Variants in ORC5 observed in about 807,000 individuals in gnomAD.
ORC5 encodes origin recognition complex subunit 5.
Under a neutral mutation model 58.8 loss-of-function variants are expected in ORC5, and 39 were observed. That is an observed-to-expected ratio of 0.66 (90% CI 0.51 to 0.87). The LOEUF (loss-of-function observed/expected upper bound fraction) is 0.87, where lower values mean the gene tolerates loss of function less well. Ranked by LOEUF, ORC5 falls within the 40% of genes least tolerant of loss-of-function variation. The pLI is 0.00. For missense variants in ORC5, 493 were observed against 506.3 expected (o/e 0.97, Z 0.25); for synonymous variants, 218 against 177.6 (o/e 1.23, Z -1.81).
At chr7:104,182,739 G>A (rs570791894) in intron 8 of ORC5, among the ~76,000 whole-genome samples, 460 of 152,232 alleles carry the variant, frequency 3.0e-3, no homozygotes, top group Non-Finnish European at 4.7e-3. Context: ...CCCTTTAAGC[G>A]GAGGTTCACA....
At chr7:104,189,804 T>C (rs1380413846) in intron 5 of ORC5, among the ~76,000 whole-genome samples, 1 of 152,186 alleles carries the variant, frequency 6.6e-6, no homozygotes, top group Non-Finnish European at 1.5e-5. Flanking sequence ...GTACAGTGTT[T>C]CCTTGAGTTC....
At chr7:104,193,281 T>C (rs1270203379) in intron 5 of ORC5, among the ~76,000 whole-genome samples, 1 of 152,112 alleles carries the variant, frequency 6.6e-6, no homozygotes, top group East Asian at 1.9e-4. Context: ...ATAATAAATA[T>C]AGAAGTAAAA....
At chr7:104,152,304 C>T (rs534783381) in intron 12 of ORC5, among the ~76,000 whole-genome samples, 2 of 152,174 alleles carry the variant, frequency 1.3e-5, no homozygotes, top group South Asian at 4.1e-4. Context: ...CGCACCACCA[C>T]ACGCAGCTAA....
chr7:104,184,024 C>T lies in ORC5; in HGVS notation c.743G>A (p.Arg248His), dbSNP rs1398393155. 8.7e-6 allele frequency: 14 copies of T among 1,612,600 alleles called. No homozygotes were observed. Among genetic ancestry groups the T allele is most frequent in the Admixed American group, 3.3e-5 (2 of 59,912 alleles). Residue 248 changes from arginine to histidine, a missense_variant, in exon 8 of 14, where the codon CGT becomes CAT. By Grantham distance (29) the Arg-to-His change is conservative. Coordinates refer to ENST00000297431, the MANE Select transcript of ORC5 (RefSeq NM_002553.4). The part of the protein sequence containing the change: ...EPVVKGEASE[R>H]DTRKLWRNIE... Reference sequence around the variant, plus strand: ...ATTTCTCCACAGTTTGCGAGTATCACGTTCACTTGCTACCCCAAAGGGAAG... The same window carrying T: ...ATTTCTCCACAGTTTGCGAGTATCATGTTCACTTGCTACCCCAAAGGGAAG...
At chr7:104,145,332 G>A (rs1465327685) in intron 12 of ORC5, among the ~76,000 whole-genome samples, 1 of 152,040 alleles carries the variant, frequency 6.6e-6, no homozygotes, top group Non-Finnish European at 1.5e-5. Context: ...CAAATGCAGG[G>A]GGAGATTTAC....
At chr7:104,132,019 T>C (rs1230935639) in intron 13 of ORC5, among the ~76,000 whole-genome samples, 1 of 152,210 alleles carries the variant, frequency 6.6e-6, no homozygotes, top group Non-Finnish European at 1.5e-5. Flanking sequence ...GTTTTGTTTA[T>C]AATGGGCAAC....
Position 104,133,402 on chromosome 7 carries a change from G to C in ORC5, c.1262+3379C>G, listed in dbSNP as rs194848. Among the ~76,000 whole-genome samples the C allele has an allele frequency of 0.023, 3,448 of 152,148 alleles. 146 individuals are homozygous for C. Among genetic ancestry groups the C allele is most frequent in the African/African-American group, 0.078 (3,232 of 41,468 alleles). On this transcript the variant is annotated intron_variant, in intron 13 of 13. Transcript: ENST00000297431. The surrounding 1 kb of genome is among the most constrained non-coding windows in gnomAD (Gnocchi z 4.7). ...TATTAGGAGTGGGGGAGAGAGAGAT[G>C]TCAAGAAGGACTCAAATTTCAGGCC...
chr7:104,155,827 G>A (rs1472852681), intron 12 of ORC5, among the ~76,000 whole-genome samples: 1 of 151,334 alleles, frequency 6.6e-6, no homozygotes, highest in African/African-American at 2.4e-5. Context: ...AGTAAGAGGA[G>A]ACATAGAACT....
Position 104,200,786 on chromosome 7 carries a change from T to C in ORC5, c.338A>G (p.Glu113Gly), listed in dbSNP as rs1799920533. The C allele has an allele frequency of 1.2e-6, 2 of 1,608,576 alleles. No individual in the cohort carries two copies. The highest frequency in any genetic ancestry group is 1.7e-6 in the Non-Finnish European group (2 of 1,175,332). The change falls in exon 3 of 14, where the codon GAA becomes GGA. Residue 113 changes from glutamate to glycine, a missense_variant. Glu to Gly is a moderately conservative substitution (Grantham distance 98). Coordinates refer to ENST00000297431, the MANE Select transcript of ORC5 (RefSeq NM_002553.4). ...ATATACAGTCTGATCTTTAAGATTT[T>C]CAGCTGTGGTTACTTGTTTAAACAA... is the stretch of plus-strand genomic sequence containing the variant. ...VRLFKQVTTA[E>G]NLKDQTVYIV... is the part of the protein sequence containing the mutation.
At chr7:104,127,774 C>A (rs1798452579) in intron 13 of ORC5, among the ~76,000 whole-genome samples, 1 of 152,098 alleles carries the variant, frequency 6.6e-6, no homozygotes, top group Non-Finnish European at 1.5e-5. Context: ...AAGCAAATGA[C>A]TGACATATCA....
intron 2 of ORC5, chr7:104,202,419 C>A: frequency 3.0e-6 from 1 of 338,580 alleles, no homozygotes; most frequent in Non-Finnish European, 6.0e-6. Flanking sequence ...ACTTCTCTCT[C>A]ACTCCTTTAC....
At chr7:104,151,011 G>A (rs971176210) in intron 12 of ORC5, among the ~76,000 whole-genome samples, 9 of 152,140 alleles carry the variant, frequency 5.9e-5, no homozygotes, top group Non-Finnish European at 7.3e-5. Context: ...AAGAGAGCTC[G>A]ATAGTTGTAA....
At position 104,165,254 on chromosome 7, in the gene ORC5, A is replaced by G; in HGVS notation, c.1019T>C (p.Phe340Ser). The change falls in exon 11 of 14, where the codon TTT becomes TCT. Residue 340 changes from phenylalanine to serine, a missense_variant. Around this residue, in one of 3 missense-constraint regions of ORC5, gnomAD observed 412 missense variants for 403.7 expected, o/e 1.02. Transcript: ENST00000297431. ...KHHGKIKKTN[F>S]LKKHEKTSNH... The stretch of plus-strand genomic sequence containing the variant: ...AAATACCTTTTCGTGTTTTTTTAGA[A>G]AGTTGGTTTTCTTGATTTTTCCATG... The G allele has an allele frequency of 6.6e-7, 1 of 1,524,966 alleles. No individual in the cohort carries two copies. The highest frequency in any genetic ancestry group is 1.2e-5 in the South Asian group (1 of 83,980). 94.5% of individuals were successfully genotyped at this position (1,524,966 alleles called of 1,614,324 possible). A position where few individuals can be genotyped will look rare whatever the true frequency, so the allele number is the denominator to read the frequency against.
rs1375749313 is a variant in ORC5, at chr7:104,133,997, A to G, written c.1262+2784T>C. Among the ~76,000 whole-genome samples the G allele has an allele frequency of 6.6e-6, 1 of 152,128 alleles. No individual in the cohort carries two copies. The highest frequency in any genetic ancestry group is 1.5e-5 in the Non-Finnish European group (1 of 68,010). On this transcript the variant is annotated intron_variant, in intron 13 of 13. Transcript: ENST00000297431. This position sits in a 1 kb window ranked among gnomAD's most constrained non-coding sequence, Gnocchi z 4.7. ...ACCCCATCCTGCTGAAAAAGGAAAGAAAGAGAAGATGGACACTAACACAGG... is the reference window on the plus strand; with the variant it reads ...ACCCCATCCTGCTGAAAAAGGAAAGGAAGAGAAGATGGACACTAACACAGG...
At chr7:104,126,931 C>T (rs1798437194) in intron 13 of ORC5, 38 bp from the exon 14 acceptor site, 1 of 1,411,262 alleles carries the variant, frequency 7.1e-7, no homozygotes. Context: ...GCATTCTCAC[C>T]CCTAGATTGC....
chr7:104,188,117 A>G (rs1265564458), intron 6 of ORC5, 134 bp downstream of exon 6: 1 of 956,788 alleles, frequency 1.0e-6, no homozygotes, highest in African/African-American at 1.6e-5. Flanking sequence ...AATTCCCAGA[A>G]TAAAATTTCA....
chr7:104,173,182 G>A (rs1799248385), intron 8 of ORC5, among the ~76,000 whole-genome samples: 1 of 152,172 alleles, frequency 6.6e-6, no homozygotes, highest in Admixed American at 6.5e-5. Context: ...AAAATCCTGT[G>A]AGGATGTTTG....
At chr7:104,149,381 G>T (rs1393669687) in intron 12 of ORC5, among the ~76,000 whole-genome samples, 1 of 151,958 alleles carries the variant, frequency 6.6e-6, no homozygotes, top group East Asian at 1.9e-4. Context: ...AGATTTTAGG[G>T]GATTATATAC....
chr7:104,207,804 G>A lies in ORC5; in HGVS notation c.72+29C>T, dbSNP rs911101495. 3.8e-6 allele frequency: 6 copies of A among 1,598,476 alleles called. No individual in the cohort carries two copies. The African/African-American group carries it at 4.0e-5, about 11-fold the overall frequency. Reference sequence around the variant, plus strand: ...AAGACTACCGAAACGTCTGCCTCCAGGATCTGGAAGACAGTTTAACTACAA... The same window carrying A: ...AAGACTACCGAAACGTCTGCCTCCAAGATCTGGAAGACAGTTTAACTACAA... On this transcript the variant is annotated intron_variant, in intron 1 of 13. Transcript: ENST00000297431.
Sources: gnomAD v4.1 joint callset for allele counts (sites outside exome capture counted in the v4.1 genomes callset) on GRCh38, gnomAD v4.1.1 for gene constraint, gnomAD v4.1.1 regional missense constraint, Gnocchi (gnomAD v3.1) non-coding constraint, MANE v1.5 for transcripts, NCBI Gene and HGNC (gene_info 2026-07-23, HGNC 2026-07-21) for gene names.